ERCC3: variants seen among roughly 807,000 people sequenced by gnomAD.
ERCC3 encodes ERCC excision repair 3, TFIIH core complex helicase subunit.
In ERCC3, 66 loss-of-function variants were observed where a neutral mutation model predicts 94.2. The ratio of observed to expected loss-of-function variants is 0.70; its 90% confidence interval spans 0.57 to 0.86. ERCC3 has a LOEUF of 0.86. Among genes scored for constraint, ERCC3 ranks in the 40% least tolerant of loss-of-function variants. The pLI, the probability that ERCC3 is intolerant of heterozygous loss-of-function variation, is 0.00. For missense variants in ERCC3, 829 were observed against 987.1 expected (o/e 0.84, Z 2.15); for synonymous variants, 349 against 369.1 (o/e 0.95, Z 0.63).
chr2:127,273,363 T>G (rs566872890), intron 10 of ERCC3, among the ~76,000 whole-genome samples: 68 of 152,312 alleles, frequency 4.5e-4, no homozygotes, highest in Non-Finnish European at 8.4e-4. Context: ...GACACAGGCA[T>G]GCTCCAAGAG....
At chr2:127,290,190 T>C (rs1685220815) in intron 4 of ERCC3, 34 bp downstream of exon 4, 1 of 1,576,280 alleles carries the variant, frequency 6.3e-7, no homozygotes, top group Non-Finnish European at 8.7e-7. Flanking sequence ...AAAGTGACAG[T>C]GCCTTGGGAC....
In ERCC3 at chr2:127,263,092, T is replaced by G. The variant is rs570998151; in HGVS notation, c.1946-1746A>C. 1.1e-4 allele frequency among the ~76,000 whole-genome samples: 17 copies of G among 152,354 alleles called. No individual in the cohort carries two copies. In the South Asian group the frequency reaches 3.5e-3, roughly 32 times the overall value. ...TAGCATAGTTTGAAGTTGGATACTG[T>G]GAGGCCTTTGGCTTTGTTCCTTTTG... On this transcript the variant is annotated intron_variant, in intron 12 of 14. Transcript: ENST00000285398.
At chr2:127,268,818 C>T (rs570281715) in intron 12 of ERCC3, among the ~76,000 whole-genome samples, 37 of 152,240 alleles carry the variant, frequency 2.4e-4, no homozygotes, top group African/African-American at 7.5e-4. Flanking sequence ...ATTTTTATTC[C>T]CTTGCTTAAA....
intron 10 of ERCC3, among the ~76,000 whole-genome samples, chr2:127,276,406 A>T (rs533244442): frequency 6.6e-6 from 1 of 152,340 alleles, no homozygotes; most frequent in East Asian, 1.9e-4. Flanking sequence ...AAAGACAGGT[A>T]AAAACAATTA....
intron 11 of ERCC3, among the ~76,000 whole-genome samples, chr2:127,272,504 G>A (rs1047903461): frequency 5.3e-5 from 8 of 152,078 alleles, no homozygotes; most frequent in Non-Finnish European, 1.0e-4. Context: ...AGGCTGCCGC[G>A]ACACACAGGA....
chr2:127,284,316 C>T lies in ERCC3; in HGVS notation c.1342+2387G>A, dbSNP rs757188632. On this transcript the variant is annotated intron_variant, in intron 8 of 14. Transcript: ENST00000285398. This position sits in a 1 kb window ranked among gnomAD's most constrained non-coding sequence, Gnocchi z 4.1. ...TAAGAGTACAAGCCAAAGTTCTTGT[C>T]GTGGCCTACAAGGTCCTACAAGACC... 2 of 152,344 alleles carry T rather than the reference C, an allele frequency of 1.3e-5. No individual in the cohort carries two copies. Among genetic ancestry groups the T allele is most frequent in the African/African-American group, 2.4e-5 (1 of 41,470 alleles). 9.4% of individuals were successfully genotyped at this position (152,344 alleles called of 1,614,324 possible). A position where few individuals can be genotyped will look rare whatever the true frequency, so the allele number is the denominator to read the frequency against.
rs765724086 is a variant in ERCC3, at chr2:127,271,427, C to G, written c.1854G>C (p.Pro618=). The G allele has an allele frequency of 2.5e-6, 4 of 1,613,826 alleles. No individual in the cohort carries two copies. The highest frequency in any genetic ancestry group is 1.7e-5 in the Admixed American group (1 of 59,982). The part of the protein sequence containing the change: ...SKVGDTSFDL[P]EANVLIQISS... ...AGATCTGAATGAGGACATTTGCTTC[C>G]GGCAGATCAAACGAAGTGTCACCTA... is the stretch of plus-strand genomic sequence containing the variant. Residue 618 remains proline, a synonymous_variant, in exon 12 of 15, where the codon CCG becomes CCC. Transcript: ENST00000285398. The surrounding 1 kb of genome is among the most constrained non-coding windows in gnomAD (Gnocchi z 5.0).
At position 127,259,487 on chromosome 2, in the gene ERCC3, C is replaced by T. The variant is rs1270382880; in HGVS notation, c.2065-39G>A. 1 of 1,612,944 alleles carries T rather than the reference C, an allele frequency of 6.2e-7. No homozygotes were observed. The highest frequency in any genetic ancestry group is 8.5e-7 in the Non-Finnish European group (1 of 1,179,874). ...GCCAGCAGACATGCCCCTTTCTGCT[C>T]TCTCTCCCCAGCCCTCCTCTGCCTT... On this transcript the variant is annotated intron_variant, in intron 13 of 14. Transcript: ENST00000285398. The surrounding 1 kb of genome is among the most constrained non-coding windows in gnomAD (Gnocchi z 4.9).
At position 127,280,501 on chromosome 2, in the gene ERCC3, G is replaced by C; in HGVS notation, c.1473C>G (p.Ala491=). The C allele has an allele frequency of 6.2e-7, 1 of 1,613,914 alleles. No individual in the cohort carries two copies. Among genetic ancestry groups the C allele is most frequent in the Non-Finnish European group, 8.5e-7 (1 of 1,179,956 alleles). ...CATTATTCTGCAGCTCCATCCAGTT[G>C]GCTTCGTAGAGCTTAGGCCCAATCA... The part of the protein sequence containing the change: ...NFLIGPKLYE[A]NWMELQNNGY... The change falls in exon 9 of 15, where the codon GCC becomes GCG. Residue 491 remains alanine, a synonymous_variant. Coordinates refer to ENST00000285398, the MANE Select transcript of ERCC3 (RefSeq NM_000122.2). This position sits in a 1 kb window ranked among gnomAD's most constrained non-coding sequence, Gnocchi z 6.3.
intron 12 of ERCC3, among the ~76,000 whole-genome samples, chr2:127,267,039 A>T (rs561728459): frequency 1.3e-5 from 2 of 152,316 alleles, no homozygotes; most frequent in South Asian, 4.1e-4. Flanking sequence ...TTAAGAGTAT[A>T]TTCTGGGGGC....
intron 10 of ERCC3, among the ~76,000 whole-genome samples, chr2:127,276,100 G>A (rs894397814): frequency 6.6e-6 from 1 of 152,156 alleles, no homozygotes; most frequent in Non-Finnish European, 1.5e-5. Context: ...CAGAGATGAG[G>A]GAAAAGGCAA....
At chr2:127,267,101 T>C (rs1684399608) in intron 12 of ERCC3, among the ~76,000 whole-genome samples, 7 of 152,226 alleles carry the variant, frequency 4.6e-5, no homozygotes, top group Admixed American at 4.6e-4. Flanking sequence ...TGTAGATGCC[T>C]ATTAGGTCCA....
rs2104774354 is a variant in ERCC3 at position 127,288,678 on chromosome 2, C to T, written c.1009G>A (p.Val337Ile). 1 of 1,614,122 alleles carries T rather than the reference C, an allele frequency of 6.2e-7. No homozygotes were observed. The highest frequency in any genetic ancestry group is 1.1e-5 in the South Asian group (1 of 91,080). ...MFGNGRARSG[V>I]IVLPCGAGKS... The stretch of plus-strand genomic sequence containing the variant: ...CACTTACCGCAGGGAAGAACAATGA[C>T]CCCCGAACGTGCACGCCCGTTTCCA... The change falls in exon 7 of 15, where the codon GTC becomes ATC. Residue 337 changes from valine to isoleucine, a missense_variant. Val to Ile is a conservative substitution (Grantham distance 29). Transcript: ENST00000285398.
intron 8 of ERCC3, among the ~76,000 whole-genome samples, chr2:127,285,871 A>T (rs1685049162): frequency 6.6e-6 from 1 of 151,920 alleles, no homozygotes; most frequent in Admixed American, 6.6e-5. Context: ...AGAAAAGAAA[A>T]CTTGGATCAT....
At position 127,272,007 on chromosome 2, in the gene ERCC3, C is replaced by CTTT. The variant is rs59921131; in HGVS notation, c.1828-557_1828-555dup. Among the ~76,000 whole-genome samples the CTTT allele has an allele frequency of 3.0e-4, 19 of 63,050 alleles. 1 individual carries two copies. Among genetic ancestry groups the CTTT allele is most frequent in the Non-Finnish European group, 3.6e-4 (13 of 35,790 alleles). The allele number at this position is 63,050 out of a possible 152,430, so 41.4% of individuals were successfully genotyped here. On this transcript the variant is annotated intron_variant, in intron 11 of 14. Transcript: ENST00000285398. ...GCCACAATCACATAAAATCTCATTT[C>CTTT]TTTTTTTTTTTTTTTTTTTTTTTTT...
chr2:127,260,982 T>C, intron 13 of ERCC3: 1 of 512,188 alleles, frequency 2.0e-6, no homozygotes, highest in Non-Finnish European at 3.6e-6. Context: ...AAAGCAGCCC[T>C]GCGGGGCTCA....
rs1684090252 is a variant in ERCC3, at chr2:127,258,485, GTGAGAGCAA to G, written c.2218-767_2218-759del. Among the ~76,000 whole-genome samples, 1 of 152,182 alleles carries G rather than the reference GTGAGAGCAA, an allele frequency of 6.6e-6. No individual in the cohort carries two copies. Among genetic ancestry groups the G allele is most frequent in the Non-Finnish European group, 1.5e-5 (1 of 68,034 alleles). On this transcript the variant is annotated intron_variant, in intron 14 of 14. Coordinates refer to ENST00000285398, the MANE Select transcript of ERCC3 (RefSeq NM_000122.2). This position sits in a 1 kb window ranked among gnomAD's most constrained non-coding sequence, Gnocchi z 4.1. ...TGAACCAGGCACCTCCTTAAAACCA[GTGAGAGCAA>G]TGAGAGCACTCTCCTGGGTTCCCAT...
In ERCC3 at chr2:127,288,757, T is replaced by C. The variant is rs150759935; in HGVS notation, c.930A>G (p.Leu310=). The change falls in exon 7 of 15, where the codon CTA becomes CTG. Residue 310 remains leucine, a synonymous_variant. Coordinates refer to ENST00000285398, the MANE Select transcript of ERCC3 (RefSeq NM_000122.2). ...AGGGTCTGAGGACAGCTGTGGGCTT[T>C]AGGTCAATGTTGATATCAGGGTTGA... ...DSVNPDINID[L]KPTAVLRPYQ... is the part of the protein sequence containing the mutation. 3.8e-5 allele frequency: 62 copies of C among 1,614,170 alleles called. No individual in the cohort carries two copies. Among genetic ancestry groups the C allele is most frequent in the South Asian group, 3.7e-4 (34 of 91,080 alleles).
chr2:127,269,571 G>A (rs1253901657), intron 12 of ERCC3, among the ~76,000 whole-genome samples: 9 of 151,042 alleles, frequency 6.0e-5, no homozygotes, highest in East Asian at 2.0e-4. Flanking sequence ...ACAGGCACCC[G>A]CCACCACGCC....
Sources: gnomAD v4.1 joint callset for allele counts (sites outside exome capture counted in the v4.1 genomes callset) on GRCh38, gnomAD v4.1.1 for gene constraint, Gnocchi (gnomAD v3.1) non-coding constraint, MANE v1.5 for transcripts, NCBI Gene and HGNC (gene_info 2026-07-23, HGNC 2026-07-21) for gene names.